WWOX: variants seen among roughly 807,000 people sequenced by gnomAD.
WWOX encodes the protein WW domain containing oxidoreductase.
Under a neutral mutation model 46.2 loss-of-function variants are expected in WWOX, and 69 were observed. That is an observed-to-expected ratio of 1.49 (90% CI 1.23 to 1.82). The LOEUF (loss-of-function observed/expected upper bound fraction) is 1.82, where lower values mean the gene tolerates loss of function less well. WWOX is among the 40% of genes most tolerant of loss of function. The pLI is 0.00. For synonymous variants in WWOX, 359 were observed against 202.6 expected (o/e 1.77, Z -6.56); for missense variants, 919 against 542.6 (o/e 1.69, Z -6.89).
chr16:78,991,799 G>C (rs1186010676), intron 8 of WWOX, among the ~76,000 whole-genome samples: 2 of 152,074 alleles, frequency 1.3e-5, no homozygotes, highest in Non-Finnish European at 2.9e-5. Context: ...GCTTTCAGGA[G>C]ATCTTGGTAG....
chr16:78,337,266 G>A (rs570671743), intron 5 of WWOX, among the ~76,000 whole-genome samples: 9 of 151,986 alleles, frequency 5.9e-5, no homozygotes, highest in Admixed American at 5.9e-4. Flanking sequence ...TTTGAAGGTG[G>A]TTTGTTTTTT....
chr16:78,900,819 A>G (rs1262836940), intron 8 of WWOX, among the ~76,000 whole-genome samples: 1 of 150,388 alleles, frequency 6.6e-6, no homozygotes, highest in Non-Finnish European at 1.5e-5. Context: ...ATTAAATAAA[A>G]TTGTACTTTT....
chr16:78,575,356 A>T (rs2044851318), intron 8 of WWOX, among the ~76,000 whole-genome samples: 1 of 151,318 alleles, frequency 6.6e-6, no homozygotes, highest in South Asian at 2.1e-4. Context: ...TGTTTAGAGG[A>T]TACTAGCCTG....
chr16:78,919,520 TTTTG>T (rs1402963439), intron 8 of WWOX, among the ~76,000 whole-genome samples: 1,035 of 17,476 alleles, frequency 0.059, 17 homozygotes, highest in Non-Finnish European at 0.078. Flanking sequence ...TATCTTTTTG[TTTTG>T]TTTTTTTTTT....
intron 8 of WWOX, among the ~76,000 whole-genome samples, chr16:78,500,783 A>T (rs2085042556): frequency 6.6e-6 from 1 of 152,188 alleles, no homozygotes; most frequent in South Asian, 2.1e-4. Context: ...TTATTCAGGC[A>T]GTGTTTACCA....
chr16:79,058,600 C>A (rs1262691584), intron 8 of WWOX, among the ~76,000 whole-genome samples: 1 of 152,030 alleles, frequency 6.6e-6, no homozygotes, highest in Non-Finnish European at 1.5e-5. Flanking sequence ...ATAACTTGAC[C>A]TTTATGAAGC....
At position 78,320,980 on chromosome 16, in the gene WWOX, G is replaced by T. The variant is rs141425829; in HGVS notation, c.517-65880G>T. The stretch of plus-strand genomic sequence containing the variant: ...CTTGTTTACAATTAGAGTCTGCATT[G>T]TTTGTAGCTTGATTCTATTTATAAT... On this transcript the variant is annotated intron_variant, in intron 5 of 8. Transcript: ENST00000566780. Among the ~76,000 whole-genome samples, 113 of 152,216 alleles carry T rather than the reference G, an allele frequency of 7.4e-4. 2 individuals carry two copies. The South Asian group carries it at 0.011, about 15-fold the overall frequency.
At chr16:78,698,374 A>C (rs1243921769) in intron 8 of WWOX, among the ~76,000 whole-genome samples, 1 of 152,242 alleles carries the variant, frequency 6.6e-6, no homozygotes, top group Non-Finnish European at 1.5e-5. Flanking sequence ...CTTTGTGAGC[A>C]CAGAGGTTTC....
intron 8 of WWOX, among the ~76,000 whole-genome samples, chr16:79,206,996 G>T (rs1390117824): frequency 6.6e-6 from 1 of 152,134 alleles, no homozygotes; most frequent in Admixed American, 6.5e-5. Flanking sequence ...GTGAGGAATG[G>T]CTGTATCCCA....
chr16:78,886,078 C>A (rs1325500973), intron 8 of WWOX, among the ~76,000 whole-genome samples: 1 of 151,904 alleles, frequency 6.6e-6, no homozygotes, highest in Non-Finnish European at 1.5e-5. Context: ...GTGCTCGCCA[C>A]CACACCAGGC....
intron 8 of WWOX, among the ~76,000 whole-genome samples, chr16:78,838,929 G>C (rs951416218): frequency 1.3e-5 from 2 of 152,112 alleles, no homozygotes; most frequent in African/African-American, 4.8e-5. Flanking sequence ...GTGGGAACCA[G>C]AGTGGATTTA....
intron 8 of WWOX, among the ~76,000 whole-genome samples, chr16:78,734,299 T>G (rs2049033409): frequency 6.6e-6 from 1 of 152,126 alleles, no homozygotes; most frequent in South Asian, 2.1e-4. Flanking sequence ...TTCCCCCACA[T>G]GCATCTCAGG....
chr16:78,925,524 G>A (rs537166842), intron 8 of WWOX, among the ~76,000 whole-genome samples: 1 of 152,306 alleles, frequency 6.6e-6, no homozygotes, highest in Admixed American at 6.5e-5. Context: ...TCGCTTATGT[G>A]TGTTGTTTTC....
At chr16:78,488,467 G>C (rs893553787) in intron 8 of WWOX, among the ~76,000 whole-genome samples, 4 of 152,126 alleles carry the variant, frequency 2.6e-5, no homozygotes, top group African/African-American at 4.8e-5. Flanking sequence ...CTCTTCCTGA[G>C]ATTCCCTCTT....
chr16:78,248,377 T>C (rs765661044), intron 5 of WWOX, among the ~76,000 whole-genome samples: 6 of 152,108 alleles, frequency 3.9e-5, no homozygotes, highest in Non-Finnish European at 7.4e-5. Flanking sequence ...AAACCATGCA[T>C]GAGAAATCTG....
chr16:78,632,768 G>A (rs1460684286), intron 8 of WWOX, among the ~76,000 whole-genome samples: 1 of 151,626 alleles, frequency 6.6e-6, no homozygotes, highest in Non-Finnish European at 1.5e-5. Context: ...ATGTTGGTCA[G>A]ACTGGTCTCG....
chr16:78,932,712 C>G (rs1042031480), intron 8 of WWOX, among the ~76,000 whole-genome samples: 1 of 152,200 alleles, frequency 6.6e-6, no homozygotes, highest in Non-Finnish European at 1.5e-5. Flanking sequence ...ATATCCACAT[C>G]ACAGAGAGCT....
At chr16:78,319,896 C>A (rs1171959345) in intron 5 of WWOX, among the ~76,000 whole-genome samples, 1 of 152,140 alleles carries the variant, frequency 6.6e-6, no homozygotes, top group Non-Finnish European at 1.5e-5. Flanking sequence ...GCACTTTTTC[C>A]AGTTTTCCTG....
At chr16:78,826,518 G>A (rs1436239365) in intron 8 of WWOX, among the ~76,000 whole-genome samples, 1 of 152,136 alleles carries the variant, frequency 6.6e-6, no homozygotes, top group African/African-American at 2.4e-5. Flanking sequence ...TCCAATCCCT[G>A]CCTCTGCAGC....
Sources: allele counts gnomAD v4.1 joint callset (sites outside exome capture counted in the v4.1 genomes callset), GRCh38; gene constraint gnomAD v4.1.1; transcripts MANE v1.5; gene names NCBI Gene and HGNC (gene_info 2026-07-23, HGNC 2026-07-21).